The following CNTNAP5 variants were observed in gnomAD, a reference collection of about 807,000 sequenced individuals.
CNTNAP5 encodes the protein contactin-associated protein-like 5.
In CNTNAP5, 72 loss-of-function variants were observed where a neutral mutation model predicts 150.2. The observed-to-expected ratio is 0.48, with a 90% CI of 0.40 to 0.58. The LOEUF is 0.58. CNTNAP5 is among the 20% of genes least tolerant of loss of function. CNTNAP5 has a pLI of 0.00. For synonymous variants in CNTNAP5, 672 were observed against 619.8 expected, an observed-to-expected ratio of 1.08 and a Z score of -1.25; for missense variants, 1,636 against 1,626.2, an observed-to-expected ratio of 1.01 and a Z score of -0.10.
At chr2:124,312,069 C>T (rs1688843774) in intron 3 of CNTNAP5, among the ~76,000 whole-genome samples, 1 of 152,164 alleles carries the variant, frequency 6.6e-6, no homozygotes, top group Admixed American at 6.5e-5. Flanking sequence ...TAAACAAACT[C>T]CAGACAACTC....
In CNTNAP5 at chr2:124,594,155, T is replaced by C. The variant is rs1454603862; in HGVS notation, c.1757-15646T>C. Among the ~76,000 whole-genome samples the C allele has an allele frequency of 2.3e-5, 3 of 132,362 alleles. No individual in the cohort carries two copies. The East Asian group carries it at 7.8e-4, about 34-fold the overall frequency. The allele number at this position is 132,362 out of a possible 152,430, so 86.8% of individuals were successfully genotyped here. A position where few individuals can be genotyped will look rare whatever the true frequency, so the allele number is the denominator to read the frequency against. On this transcript the variant is annotated intron_variant, in intron 11 of 23. Transcript: ENST00000682447. Reference sequence around the variant, plus strand: ...CTTTAGTTTAATTAGATCCCATTTGTCAATTTTGGCTTTGGTTGCCATTGC... The same window carrying C: ...CTTTAGTTTAATTAGATCCCATTTGCCAATTTTGGCTTTGGTTGCCATTGC...
Position 124,919,749 on chromosome 2 carries a change from C to CT in CNTNAP5, c.*5469dup, listed in dbSNP as rs942787245. Among the ~76,000 whole-genome samples, 1 of 151,630 alleles carries CT rather than the reference C, an allele frequency of 6.6e-6. No homozygotes were observed. The highest frequency in any genetic ancestry group is 6.6e-5 in the Admixed American group (1 of 15,184). ...CTTCCAACACTTCTTCAGTCACATT[C>CT]TTTTTTTTCAATTTTTAAATTTTTT... On this transcript the variant is annotated 3_prime_UTR_variant, in exon 24 of 24. Transcript: ENST00000682447.
intron 1 of CNTNAP5, among the ~76,000 whole-genome samples, chr2:124,196,248 T>C (rs1171752861): frequency 6.6e-6 from 1 of 152,148 alleles, no homozygotes; most frequent in Non-Finnish European, 1.5e-5. Context: ...GGGATAAGCA[T>C]ACTACAGTGG....
rs753448368 is a variant in CNTNAP5 at position 124,647,804 on chromosome 2, C to A, written c.1923C>A (p.Thr641=). The change falls in exon 13 of 24, where the codon ACC becomes ACA. Residue 641 remains threonine (T), a synonymous_variant. Transcript: ENST00000682447. ...TGCAGCACAACAATACAGAGCTGAC[C>A]CGAGTGCGGGGCGCTAACCCTGAGA... ...TSVQHNNTEL[T]RVRGANPEKP... 1.9e-6 allele frequency: 3 copies of A among 1,613,208 alleles called. No individual in the cohort carries two copies. The highest frequency in any genetic ancestry group is 1.7e-6 in the Non-Finnish European group (2 of 1,179,538).
rs57754570 is a variant in CNTNAP5, at chr2:124,864,802, A to G, written c.3218-504A>G. Among the ~76,000 whole-genome samples the G allele has an allele frequency of 5.6e-3, 845 of 152,242 alleles. 11 individuals carry two copies. The highest frequency in any genetic ancestry group is 0.019 in the African/African-American group (779 of 41,528). On this transcript the variant is annotated intron_variant, in intron 19 of 23. Coordinates refer to ENST00000682447, the MANE Select transcript of CNTNAP5 (RefSeq NM_001367498.1). ...TGTAAAGGGTTAAAAGGGTTAATGG[A>G]CCCTAAAGGGTTAAAGTGAGGCACT... is the stretch of plus-strand genomic sequence containing the variant.
intron 13 of CNTNAP5, among the ~76,000 whole-genome samples, chr2:124,733,586 G>A (rs1238103019): frequency 4.6e-5 from 7 of 152,052 alleles, no homozygotes; most frequent in Admixed American, 4.6e-4. Flanking sequence ...TTTGATTGAG[G>A]AAGAACATCT....
At chr2:124,696,929 T>C (rs1230383680) in intron 13 of CNTNAP5, among the ~76,000 whole-genome samples, 1 of 152,158 alleles carries the variant, frequency 6.6e-6, no homozygotes, top group Non-Finnish European at 1.5e-5. Flanking sequence ...TTTAAATTCA[T>C]GGAATTTTAT....
At chr2:124,055,779 A>C (rs1465222810) in intron 1 of CNTNAP5, among the ~76,000 whole-genome samples, 1 of 151,872 alleles carries the variant, frequency 6.6e-6, no homozygotes, top group Non-Finnish European at 1.5e-5. Context: ...TTAGCACCAG[A>C]CTCCATTATT....
chr2:124,119,620 A>G (rs1005919546), intron 1 of CNTNAP5, among the ~76,000 whole-genome samples: 2 of 152,166 alleles, frequency 1.3e-5, no homozygotes, highest in Non-Finnish European at 2.9e-5. Flanking sequence ...TTTGAGATAG[A>G]ATAGGGGCCG....
chr2:124,175,645 A>C (rs1325076314), intron 1 of CNTNAP5, among the ~76,000 whole-genome samples: 1 of 152,054 alleles, frequency 6.6e-6, no homozygotes, highest in Non-Finnish European at 1.5e-5. Flanking sequence ...CACCACACCC[A>C]ATGTTTAGCC....
intron 12 of CNTNAP5, among the ~76,000 whole-genome samples, chr2:124,646,032 C>T (rs1185030544): frequency 1.3e-5 from 2 of 152,300 alleles, no homozygotes; most frequent in Non-Finnish European, 2.9e-5. Context: ...GTCCCATCTC[C>T]AACACTGGGG....
chr2:124,032,383 T>G (rs1681078496), intron 1 of CNTNAP5, among the ~76,000 whole-genome samples: 1 of 152,188 alleles, frequency 6.6e-6, no homozygotes, highest in Non-Finnish European at 1.5e-5. Context: ...ATTCATTGAA[T>G]GTTTTTATAC....
rs949751040 is a variant in CNTNAP5, at chr2:124,434,398, C to T, written c.530-86C>T. The T allele has an allele frequency of 1.0e-5, 11 of 1,053,548 alleles. No individual in the cohort carries two copies. The South Asian group carries it at 1.3e-4, about 13-fold the overall frequency. 65.3% of individuals were successfully genotyped at this position (1,053,548 alleles called of 1,614,324 possible). A position where few individuals can be genotyped will look rare whatever the true frequency, so the allele number is the denominator to read the frequency against. On this transcript the variant is annotated intron_variant, in intron 4 of 23. Transcript: ENST00000682447. Reference sequence around the variant, plus strand: ...CAGATCTCAAGAACATTTCTGTGAACTGGACATGAAATAAGATGGGAAACA... The same window carrying T: ...CAGATCTCAAGAACATTTCTGTGAATTGGACATGAAATAAGATGGGAAACA...
intron 12 of CNTNAP5, among the ~76,000 whole-genome samples, chr2:124,611,249 T>A (rs1212891363): frequency 6.6e-6 from 1 of 152,154 alleles, no homozygotes; most frequent in Non-Finnish European, 1.5e-5. Flanking sequence ...CATGAGGCAG[T>A]AAAGTCAGGA....
intron 13 of CNTNAP5, among the ~76,000 whole-genome samples, chr2:124,731,748 A>G (rs537885974): frequency 1.1e-3 from 161 of 151,546 alleles, no homozygotes; most frequent in Non-Finnish European, 1.7e-3. Context: ...TTGTGTGTGT[A>G]TGTGTATATG....
intron 23 of CNTNAP5, among the ~76,000 whole-genome samples, chr2:124,913,007 A>G (rs1424494703): frequency 6.6e-6 from 1 of 152,098 alleles, no homozygotes; most frequent in Non-Finnish European, 1.5e-5. Context: ...AGGAACATAT[A>G]TTTATAAAAA....
At chr2:124,769,420 T>C (rs1681142829) in intron 16 of CNTNAP5, among the ~76,000 whole-genome samples, 1 of 151,626 alleles carries the variant, frequency 6.6e-6, no homozygotes. Context: ...GACTCCTTAG[T>C]TTTGCCTTGA....
At chr2:124,101,477 G>C (rs1414199763) in intron 1 of CNTNAP5, among the ~76,000 whole-genome samples, 1 of 152,096 alleles carries the variant, frequency 6.6e-6, no homozygotes, top group Non-Finnish European at 1.5e-5. Flanking sequence ...AGAATCCTAG[G>C]CAAGAGTAGG....
intron 4 of CNTNAP5, among the ~76,000 whole-genome samples, chr2:124,426,561 T>C (rs77860887): frequency 0.035 from 5,362 of 152,332 alleles, 134 homozygotes; most frequent in Middle Eastern, 0.051. Flanking sequence ...GTGGGACTGA[T>C]TGTCTCAGGG....
Sources: gnomAD v4.1 joint callset for allele counts (sites outside exome capture counted in the v4.1 genomes callset) on GRCh38, gnomAD v4.1.1 for gene constraint, MANE v1.5 for transcripts, NCBI Gene and HGNC (gene_info 2026-07-23, HGNC 2026-07-21) for gene names.